The following NIM1K variants were observed in gnomAD, a reference collection of about 807,000 sequenced individuals.
NIM1K encodes NIM1 serine/threonine protein kinase.
In NIM1K, 35 loss-of-function variants were observed where a neutral mutation model predicts 37.1. That is an observed-to-expected ratio of 0.94 (90% CI 0.72 to 1.25). The LOEUF (loss-of-function observed/expected upper bound fraction) is 1.25. Ranked by LOEUF, NIM1K falls within the 50% of genes most tolerant of loss-of-function variation. The pLI is 0.00. For missense variants in NIM1K, 564 were observed against 548.0 expected, an observed-to-expected ratio of 1.03 and a Z score of -0.29; for synonymous variants, 234 against 206.6, an observed-to-expected ratio of 1.13 and a Z score of -1.14.
At chr5:43,233,913 T>G (rs987225466) in intron 1 of NIM1K, among the ~76,000 whole-genome samples, 2 of 152,204 alleles carry the variant, frequency 1.3e-5, no homozygotes, top group African/African-American at 4.8e-5. Flanking sequence ...CTATTCCTTT[T>G]GTTTGGAGGC....
At chr5:43,230,456 A>G (rs895401969) in intron 1 of NIM1K, among the ~76,000 whole-genome samples, 5 of 152,162 alleles carry the variant, frequency 3.3e-5, no homozygotes, top group Non-Finnish European at 5.9e-5. Context: ...ACTGGAACTC[A>G]GATACATGGC....
chr5:43,234,199 A>G (rs1194366210), intron 1 of NIM1K, among the ~76,000 whole-genome samples: 1 of 152,180 alleles, frequency 6.6e-6, no homozygotes, highest in Admixed American at 6.5e-5. Context: ...TGAAAAGGGA[A>G]TGACAATACC....
intron 1 of NIM1K, among the ~76,000 whole-genome samples, chr5:43,196,658 A>C (rs1751920407): frequency 6.6e-6 from 1 of 151,966 alleles, no homozygotes; most frequent in African/African-American, 2.4e-5. Flanking sequence ...TAAATAAATA[A>C]AAAATAAAAG....
At chr5:43,232,942 T>C (rs748182125) in intron 1 of NIM1K, 68 of 1,139,040 alleles carry the variant, frequency 6.0e-5, no homozygotes, top group Non-Finnish European at 4.4e-5. Context: ...AGTGCAAACT[T>C]CATCATCAAT....
Position 43,245,867 on chromosome 5 carries a change from C to T in NIM1K, c.92C>T (p.Thr31Ile). 1 of 1,614,058 alleles carries T rather than the reference C, an allele frequency of 6.2e-7. No individual in the cohort carries two copies. Among genetic ancestry groups the T allele is most frequent in the Non-Finnish European group, 8.5e-7 (1 of 1,179,988 alleles). The change falls in exon 2 of 4, where the codon ACC (threonine) becomes ATC (isoleucine). Residue 31 changes from threonine to isoleucine, a missense_variant. Thr to Ile is a moderately conservative substitution (Grantham distance 89). Transcript: ENST00000326035. Reference protein sequence around the residue: ...RRDSVESGCQTESSKEGEEGQ... With the variant: ...RRDSVESGCQIESSKEGEEGQ... Reference sequence around the variant, plus strand: ...GACAGTGTAGAAAGTGGCTGTCAGACCGAGAGTAGCAAGGAGGGTGAGGAG... The same window carrying T: ...GACAGTGTAGAAAGTGGCTGTCAGATCGAGAGTAGCAAGGAGGGTGAGGAG...
intron 1 of NIM1K, among the ~76,000 whole-genome samples, chr5:43,214,558 G>C (rs1252830732): frequency 6.7e-6 from 1 of 150,194 alleles, no homozygotes; most frequent in South Asian, 2.1e-4. Context: ...GCTTACGCCT[G>C]TAATCCTAGC....
At chr5:43,211,125 T>C (rs1752198424) in intron 1 of NIM1K, among the ~76,000 whole-genome samples, 1 of 152,098 alleles carries the variant, frequency 6.6e-6, no homozygotes, top group African/African-American at 2.4e-5. Context: ...TGAGCCGAGA[T>C]TGCGCCACTG....
intron 1 of NIM1K, among the ~76,000 whole-genome samples, chr5:43,209,878 G>A (rs1752178556): frequency 6.6e-6 from 1 of 152,214 alleles, no homozygotes; most frequent in South Asian, 2.1e-4. Flanking sequence ...GCCTCCCAAA[G>A]TGCTGGGATT....
intron 1 of NIM1K, among the ~76,000 whole-genome samples, chr5:43,227,397 TAA>T (rs982454030): frequency 1.3e-5 from 2 of 151,978 alleles, no homozygotes; most frequent in African/African-American, 4.8e-5. Context: ...AAAAATAAAA[TAA>T]AAGAATCGGT....
In NIM1K at chr5:43,271,815, C is replaced by T. The variant is rs993078877; in HGVS notation, c.293-5242C>T. Reference sequence around the variant, plus strand: ...GCCCTTCAAGTGGCTCTTCTGTAGCCACCTCCTAACCCCCTATACCCTGTC... The same window carrying T: ...GCCCTTCAAGTGGCTCTTCTGTAGCTACCTCCTAACCCCCTATACCCTGTC... On this transcript the variant is annotated intron_variant, in intron 2 of 3. Transcript: ENST00000326035. Among the ~76,000 whole-genome samples the T allele has an allele frequency of 2.0e-5, 3 of 152,196 alleles. No homozygotes were observed. The South Asian group carries it at 6.2e-4, about 31-fold the overall frequency.
intron 1 of NIM1K, among the ~76,000 whole-genome samples, chr5:43,202,369 T>G (rs1011147053): frequency 6.6e-6 from 1 of 152,242 alleles, no homozygotes; most frequent in African/African-American, 2.4e-5. Context: ...TTTTAGATAT[T>G]TATTCATTCT....
intron 2 of NIM1K, among the ~76,000 whole-genome samples, chr5:43,270,479 T>A (rs1753239156): frequency 6.6e-6 from 1 of 152,188 alleles, no homozygotes; most frequent in African/African-American, 2.4e-5. Flanking sequence ...AATTCTCCTC[T>A]ATTGCTTATT....
At chr5:43,224,238 G>A (rs537828131) in intron 1 of NIM1K, among the ~76,000 whole-genome samples, 1 of 151,850 alleles carries the variant, frequency 6.6e-6, no homozygotes, top group East Asian at 1.9e-4. Context: ...CCTATGCGCT[G>A]TCCCCTCACC....
At chr5:43,276,939 C>A in intron 2 of NIM1K, 118 bp from the exon 3 acceptor site, 1 of 1,008,642 alleles carries the variant, frequency 9.9e-7, no homozygotes, top group Non-Finnish European at 1.5e-6. Context: ...GATGAGCTCT[C>A]TCAGCTTGGG....
At chr5:43,239,896 C>T (rs555677902) in intron 1 of NIM1K, among the ~76,000 whole-genome samples, 1 of 151,954 alleles carries the variant, frequency 6.6e-6, no homozygotes, top group South Asian at 2.1e-4. Flanking sequence ...TCATTAAATT[C>T]TCCATGTTTC....
intron 2 of NIM1K, among the ~76,000 whole-genome samples, chr5:43,270,825 A>G (rs994934977): frequency 5.3e-5 from 8 of 152,266 alleles, no homozygotes; most frequent in African/African-American, 1.9e-4. Context: ...AGGCATGATA[A>G]CATTAATAGA....
chr5:43,260,504 C>T (rs1431672955), intron 2 of NIM1K, among the ~76,000 whole-genome samples: 4 of 152,096 alleles, frequency 2.6e-5, no homozygotes, highest in African/African-American at 9.7e-5. Flanking sequence ...ACTTAATGCT[C>T]TTTCTGCATC....
chr5:43,263,576 T>C (rs1183568566), intron 2 of NIM1K, among the ~76,000 whole-genome samples: 1 of 152,092 alleles, frequency 6.6e-6, no homozygotes, highest in East Asian at 1.9e-4. Context: ...CTTGGATTCA[T>C]TGATTTTTTT....
chr5:43,206,649 G>T, intron 1 of NIM1K: 2 of 679,536 alleles, frequency 2.9e-6, no homozygotes, highest in South Asian at 3.0e-5. Flanking sequence ...GCTGCAGCCT[G>T]ACTCGGCCCC....
Sources: gnomAD v4.1 joint callset for allele counts (sites outside exome capture counted in the v4.1 genomes callset) on GRCh38, gnomAD v4.1.1 for gene constraint, MANE v1.5 for transcripts, NCBI Gene and HGNC (gene_info 2026-07-23, HGNC 2026-07-21) for gene names.